Variants in LRP1B observed in about 807,000 individuals in gnomAD.
The protein encoded by LRP1B is low-density lipoprotein receptor-related protein 1B.
In LRP1B, 217 loss-of-function variants were observed where a neutral mutation model predicts 556.6. The ratio of observed to expected loss-of-function variants is 0.39; its 90% CI spans 0.35 to 0.44. The LOEUF (loss-of-function observed/expected upper bound fraction) is 0.44, where lower values mean the gene tolerates loss of function less well. LRP1B is among the 20% of genes least tolerant of loss of function. The pLI is 1.00. For synonymous variants in LRP1B, 2,047 were observed against 1,865.8 expected (o/e 1.10, Z -2.50); for missense variants, 5,053 against 5,620.8 (o/e 0.90, Z 3.23).
intron 2 of LRP1B, among the ~76,000 whole-genome samples, chr2:141,737,535 A>T (rs1332157670): frequency 1.3e-5 from 2 of 152,168 alleles, no homozygotes; most frequent in African/African-American, 4.8e-5. Context: ...GAAATATAAT[A>T]AATTATTGCC....
intron 2 of LRP1B, among the ~76,000 whole-genome samples, chr2:141,498,681 A>T (rs1683606733): frequency 6.6e-6 from 1 of 152,104 alleles, no homozygotes; most frequent in Admixed American, 6.6e-5. Context: ...CTTCTTGGCT[A>T]GCATTTGGAA....
chr2:141,256,896 C>T (rs1261575072), intron 3 of LRP1B, among the ~76,000 whole-genome samples: 2 of 151,716 alleles, frequency 1.3e-5, no homozygotes. Flanking sequence ...GAAGCATTCC[C>T]TTAAGAAGAA....
At chr2:141,862,998 C>G (rs1698298541) in intron 1 of LRP1B, among the ~76,000 whole-genome samples, 1 of 152,164 alleles carries the variant, frequency 6.6e-6, no homozygotes, top group Admixed American at 6.5e-5. Context: ...GCTGAGCTCT[C>G]TCTTATGCAT....
chr2:140,247,713 AAT>A (rs1387401107), intron 86 of LRP1B, among the ~76,000 whole-genome samples: 1 of 151,656 alleles, frequency 6.6e-6, no homozygotes, highest in Admixed American at 6.6e-5. Context: ...AAGTCAAGAG[AAT>A]GTGCCCAAGT....
At chr2:141,334,461 CTG>C (rs1220352756) in intron 3 of LRP1B, among the ~76,000 whole-genome samples, 1 of 152,262 alleles carries the variant, frequency 6.6e-6, no homozygotes, top group Non-Finnish European at 1.5e-5. Flanking sequence ...GCCTGTAGAA[CTG>C]TGAGTCACCT....
intron 41 of LRP1B, among the ~76,000 whole-genome samples, chr2:140,663,097 A>G (rs2105343657): frequency 6.6e-6 from 1 of 152,310 alleles, no homozygotes; most frequent in Middle Eastern, 3.4e-3. Flanking sequence ...GCTCAATGAT[A>G]TGTTAAATTG....
chr2:141,605,534 TG>T (rs1419166640), intron 2 of LRP1B, among the ~76,000 whole-genome samples: 30 of 152,128 alleles, frequency 2.0e-4, no homozygotes, highest in Non-Finnish European at 8.8e-5. Context: ...TAAAATCACC[TG>T]GAACTCCAGG....
intron 37 of LRP1B, among the ~76,000 whole-genome samples, chr2:140,714,427 G>A (rs1272807646): frequency 6.6e-6 from 1 of 152,098 alleles, no homozygotes; most frequent in Non-Finnish European, 1.5e-5. Flanking sequence ...TTAAGAAAAA[G>A]AAGCTCTGGG....
rs549634031 is a variant in LRP1B at position 141,803,153 on chromosome 2, T to C, written c.205+7126A>G. Among the ~76,000 whole-genome samples the C allele has an allele frequency of 1.7e-4, 26 of 151,870 alleles. No homozygotes were observed. In the South Asian group the frequency reaches 5.2e-3, roughly 30 times the overall value. On this transcript the variant is annotated intron_variant, in intron 2 of 90. Transcript: ENST00000389484. ...TTCTTGAGTGAAAAGGTGAGACTTTTGTCATTGCTGAGCTCGTATGCCTGT... is the reference window on the plus strand; with the variant it reads ...TTCTTGAGTGAAAAGGTGAGACTTTCGTCATTGCTGAGCTCGTATGCCTGT...
rs560148990 is a variant in LRP1B, at chr2:140,479,197, T to C, written c.9426-3860A>G. Among the ~76,000 whole-genome samples, 7 of 152,284 alleles carry C rather than the reference T, an allele frequency of 4.6e-5. No homozygotes were observed. In the East Asian group the frequency reaches 1.2e-3, roughly 25 times the overall value. Reference sequence around the variant, plus strand: ...ATGGCTAGATATCATTTCCTTTTCATACTTAGGCCCTATTGCTATACTTTT... The same window carrying C: ...ATGGCTAGATATCATTTCCTTTTCACACTTAGGCCCTATTGCTATACTTTT... On this transcript the variant is annotated intron_variant, in intron 59 of 90. Coordinates refer to ENST00000389484, the MANE Select transcript of LRP1B (RefSeq NM_018557.3).
chr2:141,470,398 A>C (rs147763165), intron 3 of LRP1B, among the ~76,000 whole-genome samples: 1 of 152,310 alleles, frequency 6.6e-6, no homozygotes, highest in Non-Finnish European at 1.5e-5. Context: ...TTTGCTCAGC[A>C]CATTTTTTTC....
chr2:141,594,272 T>C (rs1173825146), intron 2 of LRP1B, among the ~76,000 whole-genome samples: 1 of 152,080 alleles, frequency 6.6e-6, no homozygotes, highest in Non-Finnish European at 1.5e-5. Context: ...TTCTTCCTGG[T>C]TGTGAGACAA....
intron 1 of LRP1B, among the ~76,000 whole-genome samples, chr2:142,003,629 G>T (rs1702721566): frequency 6.6e-6 from 1 of 152,194 alleles, no homozygotes. Context: ...GGCAACAATA[G>T]ATAGCCATGG....
In LRP1B at chr2:140,432,585, G is replaced by C. The variant is rs149978978; in HGVS notation, c.10414+9919C>G. Among the ~76,000 whole-genome samples, 10 of 152,294 alleles carry C rather than the reference G, an allele frequency of 6.6e-5. No homozygotes were observed. The East Asian group carries it at 1.5e-3, about 24-fold the overall frequency. On this transcript the variant is annotated intron_variant, in intron 66 of 90. Coordinates refer to ENST00000389484, the MANE Select transcript of LRP1B (RefSeq NM_018557.3). Reference sequence around the variant, plus strand: ...TTACAAACACCACACTGAGAAACTGGACAGTTGTCCCTAACGATCTGCTTC... The same window carrying C: ...TTACAAACACCACACTGAGAAACTGCACAGTTGTCCCTAACGATCTGCTTC...
chr2:141,266,959 T>C (rs1684913137), intron 3 of LRP1B, among the ~76,000 whole-genome samples: 1 of 152,208 alleles, frequency 6.6e-6, no homozygotes, highest in Non-Finnish European at 1.5e-5. Flanking sequence ...TATAAAAAGA[T>C]ATGAGAAGAT....
intron 1 of LRP1B, among the ~76,000 whole-genome samples, chr2:142,107,245 A>C (rs1000609696): frequency 1.4e-4 from 22 of 152,194 alleles, no homozygotes; most frequent in Non-Finnish European, 2.6e-4. Flanking sequence ...ATATATTAGA[A>C]ACTTAATTCC....
In LRP1B at chr2:141,136,219, C is replaced by A. The variant is rs564650671; in HGVS notation, c.1013+52202G>T. On this transcript the variant is annotated intron_variant, in intron 7 of 90. Coordinates refer to ENST00000389484, the MANE Select transcript of LRP1B (RefSeq NM_018557.3). The stretch of plus-strand genomic sequence containing the variant: ...ATAGAGTGTCTGTGTGCAGAGTGTG[C>A]TGCTGAGAGTTTCACAGAGGGTTAA... Among the ~76,000 whole-genome samples, 3 of 151,906 alleles carry A rather than the reference C, an allele frequency of 2.0e-5. No homozygotes were observed. In the East Asian group the frequency reaches 5.8e-4, roughly 29 times the overall value.
intron 1 of LRP1B, among the ~76,000 whole-genome samples, chr2:141,847,907 AATTGGGAAAGAT>A (rs1697709188): frequency 6.6e-6 from 1 of 151,594 alleles, no homozygotes; most frequent in East Asian, 1.9e-4. Flanking sequence ...ATCAATGACA[AATTGGGAAAGAT>A]ATTTGTGATA....
At chr2:140,534,180 T>A (rs2104995480) in intron 46 of LRP1B, 40 bp from the exon 47 acceptor site, 1 of 1,558,298 alleles carries the variant, frequency 6.4e-7, no homozygotes, top group Non-Finnish European at 8.8e-7. Flanking sequence ...AGAGATCATA[T>A]AGAAATATTT....
Sources: gnomAD v4.1 joint callset for allele counts (sites outside exome capture counted in the v4.1 genomes callset) on GRCh38, gnomAD v4.1.1 for gene constraint, MANE v1.5 for transcripts, NCBI Gene and HGNC (gene_info 2026-07-23, HGNC 2026-07-21) for gene names.